Variants in TRPC4 observed in about 807,000 individuals in gnomAD.
The protein encoded by TRPC4 is short transient receptor potential channel 4.
In TRPC4, 49 loss-of-function variants were observed where a neutral mutation model predicts 99.4. The observed-to-expected ratio is 0.49, with a 90% CI of 0.39 to 0.63. TRPC4 has a LOEUF of 0.63. TRPC4 is among the 20% of genes least tolerant of loss of function. The pLI, the probability that TRPC4 is intolerant of heterozygous loss-of-function variation, is 0.00. For missense variants in TRPC4, 898 were observed against 1,152.9 expected (o/e 0.78, Z 3.20); for synonymous variants, 454 against 425.9 (o/e 1.07, Z -0.81).
rs370995069 is a variant in TRPC4, at chr13:37,637,156, C to T, written c.2681G>A (p.Arg894Gln). 3.1e-6 allele frequency: 5 copies of T among 1,613,660 alleles called. No homozygotes were observed. The highest frequency in any genetic ancestry group is 1.3e-5 in the African/African-American group (1 of 74,880). The change falls in exon 11 of 11, where the codon CGG becomes CAG. Residue 894 changes from arginine to glutamine, a missense_variant. Arg to Gln is a conservative substitution (Grantham distance 43). Coordinates refer to ENST00000379705, the MANE Select transcript of TRPC4 (RefSeq NM_016179.4). ...GAGACCGGGAATGCTCAGGTCACCC[C>T]GTGAAGCTAATCCTCGAGATTCCAG... ...IQLESRGLAS[R>Q]GDLSIPGLSE... is the part of the protein sequence containing the mutation.
intron 1 of TRPC4, among the ~76,000 whole-genome samples, chr13:37,804,999 ATATTT>A (rs1456253590): frequency 6.6e-6 from 1 of 152,058 alleles, no homozygotes; most frequent in East Asian, 1.9e-4. Flanking sequence ...CAAATGGTTG[ATATTT>A]TATTTTTATA....
chr13:37,803,453 C>A (rs1957455848), intron 1 of TRPC4, among the ~76,000 whole-genome samples: 1 of 152,022 alleles, frequency 6.6e-6, no homozygotes, highest in African/African-American at 2.4e-5. Context: ...CATCCTTACA[C>A]ACACAAAATC....
In TRPC4 at chr13:37,667,330, G is replaced by A. The variant is rs532532599; in HGVS notation, c.1375-3601C>T. Among the ~76,000 whole-genome samples, 73 of 152,168 alleles carry A rather than the reference G, an allele frequency of 4.8e-4. 1 individual carries two copies. Among genetic ancestry groups the A allele is most frequent in the African/African-American group, 1.6e-3 (68 of 41,510 alleles). ...CCTCAGGAATCTTGTTTTTTGAGAC[G>A]TAGTCTTGCTCTGTCGCCCAGGCTG... is the stretch of plus-strand genomic sequence containing the variant. On this transcript the variant is annotated intron_variant, in intron 5 of 10. Transcript: ENST00000379705.
intron 3 of TRPC4, among the ~76,000 whole-genome samples, chr13:37,720,296 T>G (rs937284369): frequency 7.2e-5 from 11 of 152,198 alleles, no homozygotes; most frequent in Admixed American, 2.0e-4. Context: ...ATTGAAATTC[T>G]GAAAGCAACC....
chr13:37,789,128 T>C, intron 1 of TRPC4, among the ~76,000 whole-genome samples: 1 of 152,176 alleles, frequency 6.6e-6, no homozygotes, highest in South Asian at 2.1e-4. Context: ...TCTAAAAGGC[T>C]GATAACCATT....
intron 6 of TRPC4, among the ~76,000 whole-genome samples, chr13:37,663,079 GT>G (rs1426820463): frequency 6.6e-6 from 1 of 152,164 alleles, no homozygotes; most frequent in African/African-American, 2.4e-5. Flanking sequence ...TTTTACACAT[GT>G]TCTATCTTTT....
In TRPC4 at chr13:37,783,224, A is replaced by C; in HGVS notation, c.110T>G (p.Leu37Trp). ...ATAATCTCCCTTTTCCACAGCATTC[A>C]AGTAGGCTTTTTCTGATGGCGAGAG... is the stretch of plus-strand genomic sequence containing the variant. The part of the protein sequence containing the change: ...SELSPSEKAY[L>W]NAVEKGDYAS... The change falls in exon 2 of 11, where the codon TTG (leucine) becomes TGG (tryptophan). Residue 37 changes from leucine to tryptophan, a missense_variant. Leu to Trp is a moderately conservative substitution (Grantham distance 61, BLOSUM62 -2). Coordinates refer to ENST00000379705, the MANE Select transcript of TRPC4 (RefSeq NM_016179.4). The C allele has an allele frequency of 6.2e-7, 1 of 1,613,668 alleles. No individual in the cohort carries two copies.
intron 1 of TRPC4, among the ~76,000 whole-genome samples, chr13:37,791,537 T>C (rs1957119969): frequency 1.3e-5 from 2 of 152,212 alleles, no homozygotes; most frequent in South Asian, 2.1e-4. Context: ...TTAATGAACA[T>C]ATCTGTATGT....
chr13:37,655,534 G>A (rs1163658301), intron 6 of TRPC4, among the ~76,000 whole-genome samples: 1 of 151,964 alleles, frequency 6.6e-6, no homozygotes, highest in Non-Finnish European at 1.5e-5. Flanking sequence ...GCTAAATTTA[G>A]TTTCCTAGGG....
At chr13:37,652,345 T>A (rs1050100436) in intron 7 of TRPC4, among the ~76,000 whole-genome samples, 3 of 152,218 alleles carry the variant, frequency 2.0e-5, no homozygotes, top group African/African-American at 7.2e-5. Flanking sequence ...AGGAGAATAA[T>A]CTTCAACTAG....
chr13:37,647,557 T>G (rs1023440492), intron 8 of TRPC4, among the ~76,000 whole-genome samples: 1 of 152,198 alleles, frequency 6.6e-6, no homozygotes, highest in Non-Finnish European at 1.5e-5. Flanking sequence ...CAGTTTGAAC[T>G]GGGAAACAAT....
At chr13:37,760,537 C>A (rs1051586482) in intron 2 of TRPC4, among the ~76,000 whole-genome samples, 1 of 151,868 alleles carries the variant, frequency 6.6e-6, no homozygotes, top group African/African-American at 2.4e-5. Flanking sequence ...TGAGTGCATA[C>A]TCCACAATTG....
chr13:37,703,796 TATACATCTACCAATG>T (rs1306316196), intron 3 of TRPC4, among the ~76,000 whole-genome samples: 1 of 152,154 alleles, frequency 6.6e-6, no homozygotes, highest in Non-Finnish European at 1.5e-5. Context: ...TTAAATTAAA[TATACATCTACCAATG>T]ATACATCCAT....
chr13:37,716,252 A>C (rs961213846), intron 3 of TRPC4, among the ~76,000 whole-genome samples: 2 of 152,200 alleles, frequency 1.3e-5, no homozygotes, highest in African/African-American at 4.8e-5. Flanking sequence ...CCTTCAAGGT[A>C]CAAAAAAATT....
intron 3 of TRPC4, among the ~76,000 whole-genome samples, chr13:37,715,151 C>A (rs1482603594): frequency 6.6e-6 from 1 of 152,152 alleles, no homozygotes; most frequent in Non-Finnish European, 1.5e-5. Context: ...CTAGGACCAC[C>A]TTCCAGACTT....
intron 2 of TRPC4, among the ~76,000 whole-genome samples, chr13:37,768,356 G>A (rs12429540): frequency 0.3 from 45,612 of 151,260 alleles, 8,153 homozygotes; most frequent in Non-Finnish European, 0.42. Context: ...AAAAAGACAC[G>A]CGGAGAGCCA....
chr13:37,856,095 T>G (rs1418907527), intron 1 of TRPC4, among the ~76,000 whole-genome samples: 1 of 151,748 alleles, frequency 6.6e-6, no homozygotes, highest in African/African-American at 2.4e-5. Flanking sequence ...ACAAAAAGTT[T>G]GTTTTTTGAA....
chr13:37,689,430 G>A (rs1953607581), intron 4 of TRPC4, among the ~76,000 whole-genome samples: 1 of 151,978 alleles, frequency 6.6e-6, no homozygotes, highest in Non-Finnish European at 1.5e-5. Flanking sequence ...ACAATATAAT[G>A]GTTTGACAGA....
At chr13:37,788,676 G>T (rs1957031940) in intron 1 of TRPC4, among the ~76,000 whole-genome samples, 2 of 151,944 alleles carry the variant, frequency 1.3e-5, no homozygotes, top group Non-Finnish European at 2.9e-5. Flanking sequence ...CCAGGGTCCT[G>T]CTTGTGGCTC....
Sources: allele counts gnomAD v4.1 joint callset (sites outside exome capture counted in the v4.1 genomes callset), GRCh38; gene constraint gnomAD v4.1.1; transcripts MANE v1.5; gene names NCBI Gene and HGNC (gene_info 2026-07-23, HGNC 2026-07-21).